Variants in CACNA1D observed in about 807,000 individuals in gnomAD.
CACNA1D encodes calcium voltage-gated channel subunit alpha1 D, also known as voltage-dependent L-type calcium channel subunit alpha-1D.
Under a neutral mutation model 257.1 loss-of-function variants are expected in CACNA1D, and 55 were observed. That is an observed-to-expected ratio of 0.21 (90% confidence interval 0.17 to 0.27). The LOEUF (loss-of-function observed/expected upper bound fraction) is 0.27, where lower values mean the gene tolerates loss of function less well. Ranked by LOEUF, CACNA1D falls within the 10% of genes least tolerant of loss-of-function variation. The pLI is 1.00. For missense variants in CACNA1D, 1,876 were observed against 2,784.0 expected, an observed-to-expected ratio of 0.67 and a Z score of 7.34; for synonymous variants, 980 against 1,014.9, an observed-to-expected ratio of 0.97 and a Z score of 0.65.
intron 3 of CACNA1D, among the ~76,000 whole-genome samples, chr3:53,609,836 G>T (rs887506158): frequency 1.3e-5 from 2 of 152,024 alleles, no homozygotes; most frequent in South Asian, 2.1e-4. Flanking sequence ...CTTTTCTGTG[G>T]TAGAAGGTTG....
intron 3 of CACNA1D, among the ~76,000 whole-genome samples, chr3:53,635,996 A>G (rs1423994634): frequency 2.6e-5 from 4 of 152,174 alleles, no homozygotes; most frequent in Non-Finnish European, 5.9e-5. Context: ...TTCCTGGGGT[A>G]GTTCTTTCTG....
chr3:53,564,071 T>C (rs779269363), intron 3 of CACNA1D, among the ~76,000 whole-genome samples: 59 of 152,360 alleles, frequency 3.9e-4, no homozygotes, highest in South Asian at 8.3e-4. Flanking sequence ...TGTATTTCTG[T>C]GATGACTAAT....
chr3:53,611,507 A>G (rs980498668), intron 3 of CACNA1D, among the ~76,000 whole-genome samples: 7 of 152,070 alleles, frequency 4.6e-5, no homozygotes, highest in Admixed American at 2.6e-4. Context: ...TTTTAGTGAG[A>G]GGTTTTCTTT....
At chr3:53,579,332 A>T (rs1288786546) in intron 3 of CACNA1D, among the ~76,000 whole-genome samples, 2 of 152,200 alleles carry the variant, frequency 1.3e-5, no homozygotes, top group African/African-American at 4.8e-5. Context: ...AGCTAATCAT[A>T]ATTGCATTTC....
chr3:53,717,406 C>G (rs949737130), intron 9 of CACNA1D, among the ~76,000 whole-genome samples: 8 of 93,932 alleles, frequency 8.5e-5, no homozygotes, highest in African/African-American at 2.2e-4. Flanking sequence ...TGGGCTCCAG[C>G]ACGTGTTCGT....
intron 8 of CACNA1D, among the ~76,000 whole-genome samples, chr3:53,698,146 A>T (rs2094589116): frequency 6.6e-6 from 1 of 152,246 alleles, no homozygotes; most frequent in Admixed American, 6.5e-5. Context: ...AGACATTGGA[A>T]ATCAGACTTT....
intron 3 of CACNA1D, among the ~76,000 whole-genome samples, chr3:53,543,264 G>A (rs933132747): frequency 8.5e-5 from 13 of 152,048 alleles, no homozygotes; most frequent in African/African-American, 2.2e-4. Context: ...TCAAAGCTTC[G>A]TAATGTCTCT....
intron 3 of CACNA1D, among the ~76,000 whole-genome samples, chr3:53,536,575 C>T (rs1034979654): frequency 6.6e-6 from 1 of 152,236 alleles, no homozygotes; most frequent in African/African-American, 2.4e-5. Flanking sequence ...GAGTGGCAAA[C>T]ACGGCCCCCG....
At chr3:53,547,543 T>C (rs1001222026) in intron 3 of CACNA1D, among the ~76,000 whole-genome samples, 2 of 152,178 alleles carry the variant, frequency 1.3e-5, no homozygotes, top group African/African-American at 4.8e-5. Context: ...TTTAGATGGG[T>C]GCGTCAGGGT....
intron 3 of CACNA1D, among the ~76,000 whole-genome samples, chr3:53,648,584 A>G (rs559784506): frequency 6.6e-6 from 1 of 152,196 alleles, no homozygotes; most frequent in South Asian, 2.1e-4. Flanking sequence ...TCTGGGGGAT[A>G]TGGCAGGGAA....
chr3:53,498,893 A>G (rs188363337), intron 2 of CACNA1D, among the ~76,000 whole-genome samples: 1 of 152,286 alleles, frequency 6.6e-6, no homozygotes, highest in East Asian at 1.9e-4. Context: ...TGTCTCTCAC[A>G]TAGCTGGGGT....
chr3:53,808,324 G>T (rs532405393), intron 45 of CACNA1D: 7 of 328,468 alleles, frequency 2.1e-5, no homozygotes, highest in Non-Finnish European at 4.1e-5. Context: ...TGAGGCAGGA[G>T]AATGGCGTGA....
At chr3:53,543,885 A>G (rs1411695543) in intron 3 of CACNA1D, among the ~76,000 whole-genome samples, 1 of 152,248 alleles carries the variant, frequency 6.6e-6, no homozygotes, top group African/African-American at 2.4e-5. Context: ...CATTGCACAA[A>G]TAATGCAAAT....
At chr3:53,523,401 G>A (rs1240965537) in intron 3 of CACNA1D, among the ~76,000 whole-genome samples, 1 of 152,234 alleles carries the variant, frequency 6.6e-6, no homozygotes, top group Non-Finnish European at 1.5e-5. Context: ...GGGAGATACT[G>A]TAGTTTGGAC....
chr3:53,615,298 A>G (rs2093625356), intron 3 of CACNA1D, among the ~76,000 whole-genome samples: 1 of 152,194 alleles, frequency 6.6e-6, no homozygotes, highest in South Asian at 2.1e-4. Context: ...CTTTACTAGA[A>G]GCCATGGAAA....
In CACNA1D at chr3:53,770,168, C is replaced by T. The variant is rs1007555800; in HGVS notation, c.3915+151C>T. On this transcript the variant is annotated intron_variant, in intron 31 of 47. Coordinates refer to ENST00000350061, the MANE Select transcript of CACNA1D (RefSeq NM_001128840.3). ...TTGCATTCATCATCAGTGTCCAGTA[C>T]TCTTGACCAGCCCAGCGTTCTCCTC... 3.8e-6 allele frequency: 3 copies of T among 784,560 alleles called. No homozygotes were observed. The Admixed American group carries it at 5.8e-5, about 15-fold the overall frequency. The allele number at this position is 784,560 out of a possible 1,614,324, so 48.6% of individuals were successfully genotyped here. A position where few individuals can be genotyped will look rare whatever the true frequency, so the allele number is the denominator to read the frequency against.
chr3:53,693,203 G>A (rs1452536739), intron 8 of CACNA1D, among the ~76,000 whole-genome samples: 1 of 152,120 alleles, frequency 6.6e-6, no homozygotes, highest in Non-Finnish European at 1.5e-5. Flanking sequence ...GGAGAATGCT[G>A]TCCCAGGCCA....
At chr3:53,641,413 C>T (rs1449014263) in intron 3 of CACNA1D, among the ~76,000 whole-genome samples, 1 of 152,110 alleles carries the variant, frequency 6.6e-6, no homozygotes, top group African/African-American at 2.4e-5. Flanking sequence ...TGCCATCCTC[C>T]TTGAGGATAT....
intron 29 of CACNA1D, among the ~76,000 whole-genome samples, chr3:53,761,747 T>A (rs914286242): frequency 9.7e-5 from 13 of 134,582 alleles, no homozygotes; most frequent in East Asian, 2.0e-4. Flanking sequence ...GGACCGTGAG[T>A]GTGTGTGTGT....
Sources: gnomAD v4.1 joint callset for allele counts (sites outside exome capture counted in the v4.1 genomes callset) on GRCh38, gnomAD v4.1.1 for gene constraint, MANE v1.5 for transcripts, NCBI Gene and HGNC (gene_info 2026-07-23, HGNC 2026-07-21) for gene names.